Variants in ATP10B observed in about 807,000 individuals in gnomAD.
The protein encoded by ATP10B is ATPase phospholipid transporting 10B (putative), also known as phospholipid-transporting ATPase VB.
Under a neutral mutation model 141.2 loss-of-function variants are expected in ATP10B, and 122 were observed. The observed-to-expected ratio is 0.86, with a 90% CI of 0.75 to 1.00. The LOEUF (loss-of-function observed/expected upper bound fraction) is 1.00. ATP10B is among the 50% of genes least tolerant of loss of function. The probability of loss-of-function intolerance (pLI) is 0.00; values close to 1 mark genes in which losing one functional copy is unlikely to be tolerated. For missense variants in ATP10B, 1,876 were observed against 1,825.3 expected (o/e 1.03, Z -0.51); for synonymous variants, 685 against 692.0 (o/e 0.99, Z 0.16).
At chr5:160,778,197 A>G (rs138986507) in intron 2 of ATP10B, among the ~76,000 whole-genome samples, 2 of 152,362 alleles carry the variant, frequency 1.3e-5, no homozygotes, top group African/African-American at 4.8e-5. Flanking sequence ...TTTTAAAGCC[A>G]TAATAAATAG....
the ATP10B span, among the ~76,000 whole-genome samples, chr5:160,883,761 TATAG>T: frequency 2.6e-5 from 4 of 151,066 alleles, no homozygotes; most frequent in Non-Finnish European, 4.4e-5. Context: ...AAAAGGAAAC[TATAG>T]ATTAAAGGAG....
chr5:160,640,483 G>A lies in ATP10B; in HGVS notation c.978C>T (p.Leu326=), dbSNP rs200253467. 235 of 1,613,922 alleles carry A rather than the reference G, an allele frequency of 1.5e-4. No individual in the cohort carries two copies. Among genetic ancestry groups the A allele is most frequent in the Admixed American group, 1.8e-4 (11 of 59,986 alleles). The change falls in exon 10 of 26, where the codon CTC becomes CTT. Residue 326 remains leucine, a synonymous_variant. Coordinates refer to ENST00000327245, the MANE Select transcript of ATP10B (RefSeq NM_025153.3). ...DIFFCIGILI[L]MCLIGAVGHS... ...TACCTACAGCTCCAATAAGGCACAT[G>A]AGGATGAGGATCCCAATGCAGAAGA...
intron 6 of ATP10B, among the ~76,000 whole-genome samples, chr5:160,677,656 C>G (rs1317034208): frequency 1.3e-5 from 2 of 152,228 alleles, no homozygotes; most frequent in Non-Finnish European, 2.9e-5. Flanking sequence ...CTACCGAACT[C>G]TCCTTAGCAA....
the ATP10B span, among the ~76,000 whole-genome samples, chr5:160,893,229 C>T: frequency 4.6e-5 from 7 of 152,270 alleles, no homozygotes; most frequent in Middle Eastern, 3.4e-3. Flanking sequence ...GGGGCTGAAG[C>T]CATGGAGCCA....
At chr5:160,851,343 C>A (rs751802719) in intron 1 of ATP10B, among the ~76,000 whole-genome samples, 2 of 152,180 alleles carry the variant, frequency 1.3e-5, no homozygotes, top group Admixed American at 6.5e-5. Context: ...TAAATGTATT[C>A]ATCACAGACC....
chr5:160,687,806 A>G lies in ATP10B; in HGVS notation c.269T>C (p.Phe90Ser). ...TFLPRNLFEQ[F>S]HRWANLYFLF... Reference sequence around the variant, plus strand: ...CAGACAAGTGGATCTCTACCTATGAAATTGCTCAAAGAGATTCCGGGGCAG... The same window carrying G: ...CAGACAAGTGGATCTCTACCTATGAGATTGCTCAAAGAGATTCCGGGGCAG... The change falls in exon 5 of 26, where the codon TTT becomes TCT. Residue 90 changes from phenylalanine to serine, a missense_variant. By Grantham distance (155) the Phe-to-Ser change is radical. Transcript: ENST00000327245. 1.2e-6 allele frequency: 2 copies of G among 1,613,560 alleles called. No homozygotes were observed. Among genetic ancestry groups the G allele is most frequent in the East Asian group, 4.5e-5 (2 of 44,882 alleles).
chr5:160,881,530 C>T, the ATP10B span, among the ~76,000 whole-genome samples: 11 of 152,228 alleles, frequency 7.2e-5, no homozygotes, highest in South Asian at 4.1e-4. Flanking sequence ...GCCAAAATTT[C>T]GGCCGGGCGT....
the ATP10B span, among the ~76,000 whole-genome samples, chr5:160,871,792 C>T: frequency 6.6e-6 from 1 of 152,204 alleles, no homozygotes; most frequent in South Asian, 2.1e-4. Flanking sequence ...GGGTTGGTTC[C>T]ACAATTTTGC....
intron 2 of ATP10B, among the ~76,000 whole-genome samples, chr5:160,759,206 C>T (rs1768853067): frequency 6.6e-6 from 1 of 152,072 alleles, no homozygotes; most frequent in Non-Finnish European, 1.5e-5. Flanking sequence ...GACTTGAATC[C>T]AATTCTAGGC....
chr5:160,892,548 T>C, the ATP10B span, among the ~76,000 whole-genome samples: 1 of 152,212 alleles, frequency 6.6e-6, no homozygotes, highest in Non-Finnish European at 1.5e-5. Flanking sequence ...GTTCCCACTT[T>C]CTAAACTATG....
upstream of ATP10B, among the ~76,000 whole-genome samples, chr5:160,856,895 A>G (rs1754012980): frequency 6.6e-6 from 1 of 151,784 alleles, no homozygotes; most frequent in Non-Finnish European, 1.5e-5. Flanking sequence ...ATCTTGACCT[A>G]GCTTTGCATA....
intron 3 of ATP10B, among the ~76,000 whole-genome samples, chr5:160,701,292 C>T (rs1005027533): frequency 6.6e-5 from 10 of 152,168 alleles, no homozygotes; most frequent in South Asian, 2.1e-4. Context: ...AAACTAGACA[C>T]AGACTTTCTT....
At chr5:160,600,806 C>T (rs1399302893) in intron 21 of ATP10B, among the ~76,000 whole-genome samples, 1 of 152,220 alleles carries the variant, frequency 6.6e-6, no homozygotes, top group Middle Eastern at 3.2e-3. Flanking sequence ...GTTCAAATTT[C>T]AGAGCAGGCC....
rs752196049 is a variant in ATP10B, at chr5:160,591,031, G to A, written c.3645+28C>T. 5 of 1,575,878 alleles carry A rather than the reference G, an allele frequency of 3.2e-6. No individual in the cohort carries two copies. In the South Asian group the frequency reaches 4.4e-5, roughly 14 times the overall value. ...GGACCAGTTCTTCTCTGCAATTTAT[G>A]TGGTTAGAATGGGACTACATGACTT... On this transcript the variant is annotated intron_variant, in intron 23 of 25. Coordinates refer to ENST00000327245, the MANE Select transcript of ATP10B (RefSeq NM_025153.3).
intron 4 of ATP10B, 98 bp downstream of exon 4, chr5:160,688,662 T>G (rs1581361231): frequency 1.6e-6 from 1 of 633,138 alleles, no homozygotes; most frequent in East Asian, 1.4e-4. Context: ...GAAAAATATA[T>G]TGGGACACAT....
intron 7 of ATP10B, among the ~76,000 whole-genome samples, chr5:160,664,416 T>A (rs1195072488): frequency 6.6e-6 from 1 of 152,182 alleles, no homozygotes; most frequent in East Asian, 1.9e-4. Flanking sequence ...TAGCAGCTAT[T>A]CGTAATTGAG....
chr5:160,735,797 G>A (rs981579236), intron 2 of ATP10B, among the ~76,000 whole-genome samples: 11 of 152,198 alleles, frequency 7.2e-5, no homozygotes, highest in African/African-American at 2.6e-4. Context: ...CAAGCATCTT[G>A]TCTGACCACA....
intron 2 of ATP10B, among the ~76,000 whole-genome samples, chr5:160,723,104 A>C (rs1296155749): frequency 6.6e-6 from 1 of 152,244 alleles, no homozygotes; most frequent in Non-Finnish European, 1.5e-5. Flanking sequence ...CTAAGTCACA[A>C]ATGGACAAGT....
intron 21 of ATP10B, 89 bp from the exon 22 acceptor site, chr5:160,599,059 T>C: frequency 8.2e-7 from 1 of 1,217,774 alleles, no homozygotes. Context: ...GCTGCTGGAG[T>C]GGCAGTTGCC....
Sources: gnomAD v4.1 joint callset for allele counts (sites outside exome capture counted in the v4.1 genomes callset) on GRCh38, gnomAD v4.1.1 for gene constraint, MANE v1.5 for transcripts, NCBI Gene and HGNC (gene_info 2026-07-23, HGNC 2026-07-21) for gene names.